Variants in RANBP9 observed in about 807,000 individuals in gnomAD.
The protein encoded by RANBP9 is RAN binding protein 9, also known as ran-binding protein 9.
In RANBP9, 15 loss-of-function variants were observed where a neutral mutation model predicts 84.3. The observed-to-expected ratio is 0.18, with a 90% CI of 0.12 to 0.27. RANBP9 has a LOEUF of 0.27. RANBP9 is among the 10% of genes least tolerant of loss of function. The pLI is 1.00. For synonymous variants in RANBP9, 392 were observed against 349.6 expected (o/e 1.12, Z -1.35); for missense variants, 809 against 912.8 (o/e 0.89, Z 1.46).
chr6:13,624,535 G>A (rs1166214228), intron 13 of RANBP9, among the ~76,000 whole-genome samples: 1 of 152,186 alleles, frequency 6.6e-6, no homozygotes, highest in African/African-American at 2.4e-5. Context: ...TACCTTTGAT[G>A]AGAACTGCCC....
intron 3 of RANBP9, among the ~76,000 whole-genome samples, chr6:13,657,636 TATATAACATAAG>T (rs1765432215): frequency 6.6e-6 from 1 of 152,194 alleles, no homozygotes; most frequent in Non-Finnish European, 1.5e-5. Context: ...ATACACGTTT[TATATAACATAAG>T]AGATTACATC....
At chr6:13,641,600 A>G (rs571491174) in intron 7 of RANBP9, among the ~76,000 whole-genome samples, 2 of 152,166 alleles carry the variant, frequency 1.3e-5, no homozygotes, top group Non-Finnish European at 2.9e-5. Context: ...CTGAGATTAA[A>G]AAGACTGTTT....
chr6:13,682,286 C>A (rs1766061937), intron 2 of RANBP9, among the ~76,000 whole-genome samples: 1 of 151,086 alleles, frequency 6.6e-6, no homozygotes, highest in South Asian at 2.1e-4. Context: ...TAGTATATAT[C>A]AAGTTGGTGG....
chr6:13,681,434 C>T (rs1766035457), intron 2 of RANBP9, among the ~76,000 whole-genome samples: 2 of 151,970 alleles, frequency 1.3e-5, no homozygotes, highest in Non-Finnish European at 2.9e-5. Context: ...GCAAAAAACC[C>T]ACAGACACTG....
intron 3 of RANBP9, 46 bp from the exon 4 acceptor site, chr6:13,657,322 T>A: frequency 1.3e-6 from 2 of 1,522,746 alleles, no homozygotes; most frequent in Non-Finnish European, 1.8e-6. Context: ...GTAAGGTTCC[T>A]CTGTACTAGG....
chr6:13,705,336 G>A (rs1445820885), intron 1 of RANBP9, among the ~76,000 whole-genome samples: 1 of 145,982 alleles, frequency 6.9e-6, no homozygotes, highest in African/African-American at 2.6e-5. Flanking sequence ...TCCAGGAGAT[G>A]GAGGTTGCAG....
chr6:13,673,041 A>C (rs1466557477), intron 2 of RANBP9, among the ~76,000 whole-genome samples: 1 of 152,152 alleles, frequency 6.6e-6, no homozygotes, highest in African/African-American at 2.4e-5. Context: ...CCAAACCCCA[A>C]ATCCAGAAAG....
Position 13,711,436 on chromosome 6 carries a change from G to A in RANBP9, c.70C>T (p.Pro24Ser), listed in dbSNP as rs1342601827. 8.3e-7 allele frequency: 1 copy of A among 1,200,012 alleles called. No individual in the cohort carries two copies. The highest frequency in any genetic ancestry group is 1.0e-6 in the Non-Finnish European group (1 of 967,024). The allele number at this position is 1,200,012 out of a possible 1,614,324, so 74.3% of individuals were successfully genotyped here. Residue 24 changes from proline (P) to serine (S), a missense_variant, in exon 1 of 14, where the codon CCG becomes TCG. Pro to Ser is a moderately conservative substitution (Grantham distance 74). Coordinates refer to ENST00000011619, the MANE Select transcript of RANBP9 (RefSeq NM_005493.3). Reference sequence around the variant, plus strand: ...CCGGAGACTGGGGCCAAGGCCGCCGGCGGTGGCGGCGACAGCTGCTGCTGC... The same window carrying A: ...CCGGAGACTGGGGCCAAGGCCGCCGACGGTGGCGGCGACAGCTGCTGCTGC... ...QQQQQLSPPP[P>S]AALAPVSGVV...
intron 1 of RANBP9, among the ~76,000 whole-genome samples, chr6:13,704,824 A>G (rs1046761802): frequency 1.9e-4 from 29 of 152,012 alleles, no homozygotes; most frequent in African/African-American, 6.8e-4. Flanking sequence ...AAGACTGACC[A>G]CTAGCCTCGA....
At chr6:13,632,030 G>A (rs1345674124) in intron 12 of RANBP9, among the ~76,000 whole-genome samples, 1 of 149,574 alleles carries the variant, frequency 6.7e-6, no homozygotes, top group Non-Finnish European at 1.5e-5. Context: ...CCTAGTAACT[G>A]CTGATTTTAC....
At chr6:13,698,718 CA>C (rs887252813) in intron 1 of RANBP9, among the ~76,000 whole-genome samples, 1 of 152,110 alleles carries the variant, frequency 6.6e-6, no homozygotes, top group Admixed American at 6.5e-5. Flanking sequence ...ATTTAATATC[CA>C]AAACAACCCC....
chr6:13,666,061 C>T (rs1162200045), intron 2 of RANBP9, among the ~76,000 whole-genome samples: 1 of 152,122 alleles, frequency 6.6e-6, no homozygotes, highest in African/African-American at 2.4e-5. Flanking sequence ...TGGGCATACA[C>T]ATCTGCAAAA....
chr6:13,622,148 A>T lies in RANBP9; in HGVS notation c.*214T>A. On this transcript the variant is annotated 3_prime_UTR_variant, in exon 14 of 14. Transcript: ENST00000011619. The stretch of plus-strand genomic sequence containing the variant: ...TGAAATTCAGTAATATTTAACTCTT[A>T]GACAACTAAGAGGTTAAAGATGGAA... 1 of 366,136 alleles carries T rather than the reference A, an allele frequency of 2.7e-6. No homozygotes were observed. Among genetic ancestry groups the T allele is most frequent in the Non-Finnish European group, 4.6e-6 (1 of 216,016 alleles). 22.7% of individuals were successfully genotyped at this position (366,136 alleles called of 1,614,324 possible).
chr6:13,648,280 TGGGAC>T (rs1765219287), intron 5 of RANBP9, among the ~76,000 whole-genome samples: 1 of 150,934 alleles, frequency 6.6e-6, no homozygotes, highest in African/African-American at 2.4e-5. Flanking sequence ...CTCCCGAGTA[TGGGAC>T]TACAGCCACA....
At chr6:13,641,059 T>C (rs1243800739) in intron 8 of RANBP9, 140 bp downstream of exon 8, 2 of 486,940 alleles carry the variant, frequency 4.1e-6, no homozygotes, top group African/African-American at 4.1e-5. Flanking sequence ...AACATGTTGC[T>C]TAAATGACAT....
At chr6:13,668,153 CAATT>C (rs1212690390) in intron 2 of RANBP9, among the ~76,000 whole-genome samples, 2 of 151,972 alleles carry the variant, frequency 1.3e-5, no homozygotes, top group Non-Finnish European at 2.9e-5. Flanking sequence ...CATAAGAAAA[CAATT>C]ATTAAATACT....
chr6:13,639,815 A>G, intron 8 of RANBP9, 62 bp from the exon 9 acceptor site: 7 of 1,338,494 alleles, frequency 5.2e-6, no homozygotes, highest in Non-Finnish European at 7.2e-6. Flanking sequence ...ATTTAATAGC[A>G]ACAGATTTCT....
chr6:13,685,065 T>C (rs1021427284), intron 2 of RANBP9, among the ~76,000 whole-genome samples: 1 of 152,188 alleles, frequency 6.6e-6, no homozygotes, highest in African/African-American at 2.4e-5. Flanking sequence ...CAAACATAAA[T>C]TGCAATAATT....
At chr6:13,670,298 TA>T (rs1051587750) in intron 2 of RANBP9, among the ~76,000 whole-genome samples, 8 of 151,496 alleles carry the variant, frequency 5.3e-5, no homozygotes, top group African/African-American at 1.9e-4. Context: ...GTCTCAAAAA[TA>T]AAAAAATATT....
Sources: allele counts gnomAD v4.1 joint callset (sites outside exome capture counted in the v4.1 genomes callset), GRCh38; gene constraint gnomAD v4.1.1; transcripts MANE v1.5; gene names NCBI Gene and HGNC (gene_info 2026-07-23, HGNC 2026-07-21).